NAV2: variants seen among roughly 807,000 people sequenced by gnomAD.
NAV2 encodes the protein helicase, APC down-regulated 1.
In NAV2, 54 loss-of-function variants were observed where a neutral mutation model predicts 223.2. The observed-to-expected ratio is 0.24, with a 90% confidence interval of 0.19 to 0.30. The LOEUF (loss-of-function observed/expected upper bound fraction) is 0.30, where lower values mean the gene tolerates loss of function less well. NAV2 is among the 10% of genes least tolerant of loss of function. NAV2 has a pLI of 1.00. For missense variants in NAV2, 2,806 were observed against 3,147.5 expected, an observed-to-expected ratio of 0.89 and a Z score of 2.60; for synonymous variants, 1,279 against 1,239.3, an observed-to-expected ratio of 1.03 and a Z score of -0.67.
chr11:19,740,019 C>T (rs186097607), intron 1 of NAV2, among the ~76,000 whole-genome samples: 2 of 152,234 alleles, frequency 1.3e-5, no homozygotes, highest in East Asian at 1.9e-4. Flanking sequence ...ATTCGTACTC[C>T]GAGCAGGCTC....
chr11:19,497,818 C>T (rs1232288336), intron 1 of NAV2, among the ~76,000 whole-genome samples: 1 of 152,076 alleles, frequency 6.6e-6, no homozygotes, highest in Non-Finnish European at 1.5e-5. Context: ...AAGTCTTCTG[C>T]TCCATCACTG....
chr11:19,751,554 A>G (rs2053819360), intron 1 of NAV2, among the ~76,000 whole-genome samples: 1 of 152,114 alleles, frequency 6.6e-6, no homozygotes, highest in Admixed American at 6.5e-5. Context: ...CAGGGCCGTT[A>G]TTGTTGTTCC....
At chr11:20,090,794 T>C in intron 26 of NAV2, 71 bp from the exon 27 acceptor site, 1 of 1,506,854 alleles carries the variant, frequency 6.6e-7, no homozygotes, top group Non-Finnish European at 9.0e-7. Context: ...AACCTGATGA[T>C]TGATGTGGAC....
rs73435636 is a variant in NAV2, at chr11:19,817,130, T to G, written c.268-15354T>G. ...AAATAATCACCACGAGTGCACACAG[T>G]TTGCCTTTGGTGTTGGGAATTTTAA... On this transcript the variant is annotated intron_variant, in intron 1 of 37. Coordinates refer to ENST00000349880, the MANE Select transcript of NAV2 (RefSeq NM_145117.5). 8.6e-3 allele frequency among the ~76,000 whole-genome samples: 1,302 copies of G among 152,270 alleles called. 15 individuals carry two copies. The highest frequency in any genetic ancestry group is 0.03 in the African/African-American group (1,237 of 41,536).
intron 1 of NAV2, among the ~76,000 whole-genome samples, chr11:19,635,196 A>G (rs1055303853): frequency 3.9e-5 from 6 of 152,178 alleles, no homozygotes; most frequent in African/African-American, 1.2e-4. Context: ...ATGTGGTTGT[A>G]CTGGTAGGCA....
At chr11:19,881,306 C>T (rs960941039) in intron 5 of NAV2, among the ~76,000 whole-genome samples, 1 of 152,082 alleles carries the variant, frequency 6.6e-6, no homozygotes, top group Non-Finnish European at 1.5e-5. Context: ...GGGAGAGATG[C>T]CTGGACTAGC....
chr11:19,685,030 T>A (rs1211490852), intron 1 of NAV2, among the ~76,000 whole-genome samples: 1 of 152,134 alleles, frequency 6.6e-6, no homozygotes, highest in African/African-American at 2.4e-5. Context: ...ATTCTAGCTG[T>A]AGTTAATATG....
intron 20 of NAV2, among the ~76,000 whole-genome samples, chr11:20,067,531 G>A (rs2059125312): frequency 6.6e-6 from 1 of 152,066 alleles, no homozygotes; most frequent in African/African-American, 2.4e-5. Context: ...AGGCTAGAGT[G>A]CAGTGGTGTG....
intron 35 of NAV2, among the ~76,000 whole-genome samples, chr11:20,106,171 A>ATG (rs2062032179): frequency 1.1e-4 from 1 of 9,280 alleles, no homozygotes; most frequent in African/African-American, 1.3e-4. Flanking sequence ...ATATATATAT[A>ATG]TATATGTGTG....
chr11:19,415,795 C>G (rs947980655), intron 1 of NAV2, among the ~76,000 whole-genome samples: 1 of 152,164 alleles, frequency 6.6e-6, no homozygotes, highest in Non-Finnish European at 1.5e-5. Flanking sequence ...TCAACATACA[C>G]AAATCAATAA....
chr11:19,867,816 A>G (rs2062190019), intron 3 of NAV2, among the ~76,000 whole-genome samples: 2 of 152,214 alleles, frequency 1.3e-5, no homozygotes, highest in South Asian at 4.1e-4. Context: ...GATAAGTCAT[A>G]AAATGCCAAA....
intron 1 of NAV2, among the ~76,000 whole-genome samples, chr11:19,404,681 C>T (rs1014138401): frequency 6.6e-6 from 1 of 152,112 alleles, no homozygotes; most frequent in Admixed American, 6.5e-5. Context: ...CGCCTCTGTG[C>T]CTGCTCTCAG....
At chr11:20,105,345 G>A in intron 34 of NAV2, 186 bp from the exon 35 acceptor site, 1 of 522,684 alleles carries the variant, frequency 1.9e-6, no homozygotes, top group Non-Finnish European at 3.4e-6. Flanking sequence ...CTATGTTAGA[G>A]GGTTGGTATC....
chr11:19,367,038 C>A (rs897193778), intron 1 of NAV2, among the ~76,000 whole-genome samples: 2 of 152,174 alleles, frequency 1.3e-5, no homozygotes, highest in Non-Finnish European at 2.9e-5. Context: ...ATTATGCAGA[C>A]AAGTACACTG....
At chr11:20,092,846 T>C (rs2060947165) in intron 28 of NAV2, among the ~76,000 whole-genome samples, 1 of 152,184 alleles carries the variant, frequency 6.6e-6, no homozygotes, top group African/African-American at 2.4e-5. Flanking sequence ...CTGCTGTTGT[T>C]GTTTTGGTTG....
At chr11:19,531,078 C>T (rs150105093) in intron 1 of NAV2, among the ~76,000 whole-genome samples, 87 of 152,214 alleles carry the variant, frequency 5.7e-4, no homozygotes, top group African/African-American at 2.0e-3. Context: ...ACTACTATTT[C>T]TATGTATTTA....
chr11:19,543,218 G>C (rs972051407), intron 1 of NAV2, among the ~76,000 whole-genome samples: 3 of 152,196 alleles, frequency 2.0e-5, no homozygotes, highest in Non-Finnish European at 4.4e-5. Context: ...CCTCGTAGAA[G>C]CTCAGTTTCC....
intron 1 of NAV2, among the ~76,000 whole-genome samples, chr11:19,788,950 A>T (rs1246806644): frequency 1.3e-5 from 2 of 152,154 alleles, no homozygotes; most frequent in African/African-American, 2.4e-5. Flanking sequence ...CATCTATGCC[A>T]GTTAGTAACA....
chr11:19,703,300 T>A (rs2049563273), intron 1 of NAV2, among the ~76,000 whole-genome samples: 1 of 152,230 alleles, frequency 6.6e-6, no homozygotes, highest in Admixed American at 6.5e-5. Flanking sequence ...ACTGGGCCTC[T>A]TCCTGGAGGT....
Sources: gnomAD v4.1 joint callset for allele counts (sites outside exome capture counted in the v4.1 genomes callset) on GRCh38, gnomAD v4.1.1 for gene constraint, MANE v1.5 for transcripts, NCBI Gene and HGNC (gene_info 2026-07-23, HGNC 2026-07-21) for gene names.